HERC4: variants seen among roughly 807,000 people sequenced by gnomAD.
HERC4 encodes the protein probable E3 ubiquitin-protein ligase HERC4.
A neutral mutation model predicts 124.3 loss-of-function variants in HERC4; 28 were observed. The ratio of observed to expected loss-of-function variants is 0.23; its 90% CI spans 0.17 to 0.31. The LOEUF is 0.31. Ranked by LOEUF, HERC4 falls within the 10% of genes least tolerant of loss-of-function variation. The pLI is 1.00. For missense variants in HERC4, 713 were observed against 1,229.3 expected (o/e 0.58, Z 6.28); for synonymous variants, 407 against 421.5 (o/e 0.97, Z 0.42).
In HERC4 at chr10:68,025,730, T is replaced by C. The variant is rs1331422448; in HGVS notation, c.778-54A>G. ...AGAAGGCATGATAAAAGAAAATAAC[T>C]GATCTCCAGAAAAATAAGTCCAAAT... is the stretch of plus-strand genomic sequence containing the variant. On this transcript the variant is annotated intron_variant, in intron 7 of 24. Transcript: ENST00000373700. 6 of 1,526,580 alleles carry C rather than the reference T, an allele frequency of 3.9e-6. No individual in the cohort carries two copies. The Admixed American group carries it at 8.4e-5, about 21-fold the overall frequency. The allele number at this position is 1,526,580 out of a possible 1,614,324, so 94.6% of individuals were successfully genotyped here. A position where few individuals can be genotyped will look rare whatever the true frequency, so the allele number is the denominator to read the frequency against.
chr10:68,039,614 C>A, intron 4 of HERC4: 1 of 1,409,630 alleles, frequency 7.1e-7, no homozygotes, highest in Non-Finnish European at 9.3e-7. Flanking sequence ...TGTACTGCTA[C>A]AATTTAGCAG....
intron 21 of HERC4, among the ~76,000 whole-genome samples, chr10:67,936,742 T>G (rs1226501647): frequency 6.6e-6 from 1 of 152,184 alleles, no homozygotes; most frequent in Non-Finnish European, 1.5e-5. Flanking sequence ...TTCTTTTACT[T>G]CTGGAATTTT....
intron 22 of HERC4, among the ~76,000 whole-genome samples, chr10:67,935,106 C>T (rs117515875): frequency 1.3e-5 from 2 of 151,660 alleles, no homozygotes; most frequent in East Asian, 1.9e-4. Context: ...ACTGTTTTGG[C>T]CTTTCCTTAA....
At chr10:68,014,955 C>T (rs2133140939) in intron 8 of HERC4, among the ~76,000 whole-genome samples, 1 of 152,328 alleles carries the variant, frequency 6.6e-6, no homozygotes, top group Non-Finnish European at 1.5e-5. Context: ...CCCTAAACCT[C>T]TTTGCCATTT....
rs11305276 is a variant in HERC4, at chr10:67,926,416, T to TA, written c.2839-1230dup. Among the ~76,000 whole-genome samples, 576 of 119,468 alleles carry TA rather than the reference T, an allele frequency of 4.8e-3. 2 individuals are homozygous for TA. The highest frequency in any genetic ancestry group is 0.017 in the African/African-American group (549 of 32,506). The allele number at this position is 119,468 out of a possible 152,430, so 78.4% of individuals were successfully genotyped here. A position where few individuals can be genotyped will look rare whatever the true frequency, so the allele number is the denominator to read the frequency against. On this transcript the variant is annotated intron_variant, in intron 23 of 24. Coordinates refer to ENST00000373700, the MANE Select transcript of HERC4 (RefSeq NM_015601.4). ...CCATCTCAATAAAAAAAATAAAAAA[T>TA]AAAAAAAAAAAAAAACAAAAAAATT...
At chr10:67,991,717 C>G (rs1309327740) in intron 11 of HERC4, among the ~76,000 whole-genome samples, 3 of 152,074 alleles carry the variant, frequency 2.0e-5, no homozygotes, top group Non-Finnish European at 4.4e-5. Context: ...AGAAATAATA[C>G]TCAAGTCTTC....
In HERC4 at chr10:67,954,584, G is replaced by C; in HGVS notation, c.2337+11C>G. The C allele has an allele frequency of 6.2e-7, 1 of 1,606,846 alleles. No homozygotes were observed. The highest frequency in any genetic ancestry group is 1.3e-5 in the African/African-American group (1 of 74,802). ...ATACACAGAAGTAATTTAGATGGTT[G>C]GACATTTTACCTTATCAGAAAACCA... is the stretch of plus-strand genomic sequence containing the variant. On this transcript the variant is annotated intron_variant, in intron 19 of 24. Transcript: ENST00000373700.
At chr10:67,951,949 C>G (rs1359560413) in intron 19 of HERC4, among the ~76,000 whole-genome samples, 1 of 152,188 alleles carries the variant, frequency 6.6e-6, no homozygotes, top group African/African-American at 2.4e-5. Context: ...ACTAGCCTCT[C>G]AGTTTCTGGA....
intron 19 of HERC4, among the ~76,000 whole-genome samples, chr10:67,943,527 G>T (rs985578730): frequency 4.6e-5 from 7 of 152,222 alleles, no homozygotes; most frequent in Non-Finnish European, 1.0e-4. Flanking sequence ...AGTTAGCTCA[G>T]CTGGTAAACA....
chr10:68,064,326 G>A (rs2041188544), intron 3 of HERC4, among the ~76,000 whole-genome samples: 2 of 152,216 alleles, frequency 1.3e-5, no homozygotes, highest in African/African-American at 4.8e-5. Flanking sequence ...TGTCGTGGCA[G>A]ATGGATCACC....
chr10:67,945,867 A>C (rs2033284376), intron 19 of HERC4, among the ~76,000 whole-genome samples: 2 of 151,998 alleles, frequency 1.3e-5, no homozygotes, highest in African/African-American at 4.8e-5. Flanking sequence ...AAAACATACC[A>C]CCAGAGAAAA....
chr10:67,960,321 T>C (rs568643697), intron 16 of HERC4, among the ~76,000 whole-genome samples: 58 of 152,318 alleles, frequency 3.8e-4, no homozygotes, highest in African/African-American at 1.3e-3. Context: ...CTCTGCCCTG[T>C]GTGTTTCTTC....
chr10:67,992,314 G>A lies in HERC4; in HGVS notation c.1156C>T (p.Pro386Ser). 2.5e-6 allele frequency: 4 copies of A among 1,613,400 alleles called. No individual in the cohort carries two copies. The highest frequency in any genetic ancestry group is 3.4e-6 in the Non-Finnish European group (4 of 1,179,504). ...TTGGGACATCTGAAGTCATCTGGTG[G>A]CCCACAGTTCTAAATTTTCAAATAA... ...SHYSSPQNCG[P>S]PDDFRCPNPT... The change falls in exon 11 of 25, where the codon CCA becomes TCA. Residue 386 changes from proline to serine, a missense_variant. Physicochemically the swap from Pro to Ser is moderately conservative, Grantham distance 74 (BLOSUM62 -1). Transcript: ENST00000373700.
chr10:67,968,996 ATCCTGGACCATAC>A (rs768499937), intron 15 of HERC4, among the ~76,000 whole-genome samples: 140 of 152,330 alleles, frequency 9.2e-4, no homozygotes, highest in Admixed American at 1.6e-3. Flanking sequence ...GATAGACCAA[ATCCTGGACCATAC>A]AATAAGTCTT....
At chr10:68,069,793 A>G in intron 3 of HERC4, 1 of 971,932 alleles carries the variant, frequency 1.0e-6, no homozygotes, top group Non-Finnish European at 1.2e-6. Flanking sequence ...CTGTAATCCC[A>G]GCACTCTGGG....
At chr10:67,941,567 T>G (rs893500837) in intron 19 of HERC4, among the ~76,000 whole-genome samples, 29 of 151,764 alleles carry the variant, frequency 1.9e-4, no homozygotes, top group African/African-American at 6.5e-4. Flanking sequence ...TTTCCACCTA[T>G]AATAAGCTCA....
At chr10:67,935,087 T>C (rs2032225147) in intron 22 of HERC4, among the ~76,000 whole-genome samples, 1 of 152,086 alleles carries the variant, frequency 6.6e-6, no homozygotes, top group Non-Finnish European at 1.5e-5. Context: ...TTTCTTGCCA[T>C]TCTTTTTGAC....
chr10:68,062,801 CCTAA>C lies in HERC4; in HGVS notation c.226+10078_226+10081del, dbSNP rs1446514574. Reference sequence around the variant, plus strand: ...AAAAAATAAAGGACTACCATCACAGCCTAACTATTTCTTTACCTCCAATTTCTCT... The same window carrying C: ...AAAAAATAAAGGACTACCATCACAGCCTATTTCTTTACCTCCAATTTCTCT... On this transcript the variant is annotated intron_variant, in intron 3 of 24. Coordinates refer to ENST00000373700, the MANE Select transcript of HERC4 (RefSeq NM_015601.4). Among the ~76,000 whole-genome samples, 5 of 152,090 alleles carry C rather than the reference CCTAA, an allele frequency of 3.3e-5. No homozygotes were observed. In the East Asian group the frequency reaches 5.8e-4, roughly 18 times the overall value.
In HERC4 at chr10:68,059,884, A is replaced by ATAT. The variant is rs1227745683; in HGVS notation, c.226+12996_226+12998dup. Among the ~76,000 whole-genome samples the ATAT allele has an allele frequency of 1.2e-4, 9 of 77,416 alleles. 2 individuals are homozygous for ATAT. Among genetic ancestry groups the ATAT allele is most frequent in the African/African-American group, 6.9e-4 (8 of 11,678 alleles). 50.8% of individuals were successfully genotyped at this position (77,416 alleles called of 152,430 possible). ...ATATTATATATTATAATAATATTAT[A>ATAT]TATCATAATATTATATATTATATAA... On this transcript the variant is annotated intron_variant, in intron 3 of 24. Coordinates refer to ENST00000373700, the MANE Select transcript of HERC4 (RefSeq NM_015601.4).
Sources: gnomAD v4.1 joint callset for allele counts (sites outside exome capture counted in the v4.1 genomes callset) on GRCh38, gnomAD v4.1.1 for gene constraint, MANE v1.5 for transcripts, NCBI Gene and HGNC (gene_info 2026-07-23, HGNC 2026-07-21) for gene names.